The following SYTL3 variants were observed in gnomAD, a reference collection of about 807,000 sequenced individuals.
SYTL3 encodes synaptotagmin like 3.
A neutral mutation model predicts 82.1 loss-of-function variants in SYTL3; 88 were observed. The observed-to-expected ratio is 1.07, with a 90% CI of 0.90 to 1.28. The LOEUF is 1.28. Among genes scored for constraint, SYTL3 ranks in the 50% most tolerant of loss-of-function variants. SYTL3 has a pLI of 0.00. For synonymous variants in SYTL3, 311 were observed against 289.4 expected, an observed-to-expected ratio of 1.07 and a Z score of -0.76; for missense variants, 831 against 757.6, an observed-to-expected ratio of 1.10 and a Z score of -1.14.
At position 158,663,223 on chromosome 6, in the gene SYTL3, A is replaced by G. The variant is rs372516015; in HGVS notation, c.-46A>G. 7.0e-6 allele frequency: 11 copies of G among 1,579,798 alleles called. No homozygotes were observed. The highest frequency in any genetic ancestry group is 6.7e-5 in the African/African-American group (5 of 74,296). On this transcript the variant is annotated 5_prime_UTR_variant, in exon 4 of 18. It removes an upstream start codon present in the reference 5' UTR. Coordinates refer to ENST00000611299, the MANE Select transcript of SYTL3 (RefSeq NM_001242394.2). ...TCTGCAGGGCGTGAGCGCTTGGTCC[A>G]TGCAGTGAAGCTCTTCCAACCTGGG...
At position 158,663,304 on chromosome 6, in the gene SYTL3, G is replaced by A. The variant is rs577302182; in HGVS notation, c.36G>A (p.Glu12=). The A allele has an allele frequency of 2.1e-4, 331 of 1,614,178 alleles. 4 individuals are homozygous for A. The South Asian group carries it at 3.4e-3, about 17-fold the overall frequency. ...AAATAGATCTGAGTGCTCTCAAGGAGTTAGAACGCGAGGCCATTCTCCAGG... is the reference window on the plus strand; with the variant it reads ...AAATAGATCTGAGTGCTCTCAAGGAATTAGAACGCGAGGCCATTCTCCAGG... ...AQEIDLSALK[E]LEREAILQVL... is the part of the protein sequence containing the mutation. The change falls in exon 4 of 18, where the codon GAG becomes GAA. Residue 12 remains glutamate, a synonymous_variant. Coordinates refer to ENST00000611299, the MANE Select transcript of SYTL3 (RefSeq NM_001242394.2).
At chr6:158,709,377 G>A (rs1321325599) in intron 8 of SYTL3, among the ~76,000 whole-genome samples, 1 of 152,196 alleles carries the variant, frequency 6.6e-6, no homozygotes, top group African/African-American at 2.4e-5. Context: ...TAATAAAAAT[G>A]TTATTAATAA....
rs139996805 is a variant in SYTL3 at position 158,663,311 on chromosome 6, C to T, written c.43C>T (p.Arg15Cys). Residue 15 changes from arginine (R) to cysteine (C), a missense_variant, in exon 4 of 18, where the codon CGC becomes TGC. Physicochemically the swap from Arg to Cys is radical, Grantham distance 180. Transcript: ENST00000611299. ...TCTGAGTGCTCTCAAGGAGTTAGAA[C>T]GCGAGGCCATTCTCCAGGTCCTGTA... ...IDLSALKELEREAILQVLYRD... is the reference protein window; with the variant it reads ...IDLSALKELECEAILQVLYRD... 5.9e-5 allele frequency: 95 copies of T among 1,614,078 alleles called. 2 individuals are homozygous for T. In the East Asian group the frequency reaches 1.8e-3, roughly 30 times the overall value.
chr6:158,671,148 A>G (rs1399920163), intron 5 of SYTL3, among the ~76,000 whole-genome samples: 2 of 152,056 alleles, frequency 1.3e-5, no homozygotes, highest in Non-Finnish European at 2.9e-5. Context: ...TGTGTTTACT[A>G]AAGGGAATGT....
At chr6:158,670,915 G>T (rs1052080455) in intron 5 of SYTL3, among the ~76,000 whole-genome samples, 1 of 151,442 alleles carries the variant, frequency 6.6e-6, no homozygotes, top group African/African-American at 2.4e-5. Flanking sequence ...CCATTCTCCT[G>T]CCTCAGCCTC....
intron 14 of SYTL3, among the ~76,000 whole-genome samples, chr6:158,759,912 C>T (rs1302246443): frequency 1.3e-5 from 2 of 151,782 alleles, no homozygotes; most frequent in Non-Finnish European, 1.5e-5. Context: ...TTTTTTTAAG[C>T]TCATCAGCTG....
At chr6:158,760,548 C>A in intron 14 of SYTL3, 92 bp from the exon 15 acceptor site, 1 of 1,073,464 alleles carries the variant, frequency 9.3e-7, no homozygotes, top group Non-Finnish European at 1.4e-6. Context: ...CAGGGGGAAG[C>A]ATCTGTGGAC....
At chr6:158,728,443 G>T (rs1784999141) in intron 11 of SYTL3, among the ~76,000 whole-genome samples, 1 of 146,212 alleles carries the variant, frequency 6.8e-6, no homozygotes, top group African/African-American at 2.5e-5. Context: ...TGGACTCTCT[G>T]TTCTGCTCCA....
At chr6:158,758,636 C>T (rs1296824452) in intron 14 of SYTL3, among the ~76,000 whole-genome samples, 1 of 152,132 alleles carries the variant, frequency 6.6e-6, no homozygotes, top group African/African-American at 2.4e-5. Flanking sequence ...CCTGGTGAGC[C>T]ACCTGCCCCC....
chr6:158,745,519 G>A lies in SYTL3; in HGVS notation c.895G>A (p.Gly299Ser), dbSNP rs780654203. The A allele has an allele frequency of 3.8e-5, 62 of 1,613,088 alleles. No homozygotes were observed. Among genetic ancestry groups the A allele is most frequent in the Non-Finnish European group, 5.1e-5 (60 of 1,179,842 alleles). Residue 299 changes from glycine to serine, a missense_variant, in exon 12 of 18, where the codon GGC becomes AGC. Gly to Ser is a moderately conservative substitution (Grantham distance 56). Coordinates refer to ENST00000611299, the MANE Select transcript of SYTL3 (RefSeq NM_001242394.2). Reference protein sequence around the residue: ...ISIDSTCTEMGNFDNANVTGE... With the variant: ...ISIDSTCTEMSNFDNANVTGE... ...CATTGACAGCACCTGTACAGAGATG[G>A]GCAATTTTGACAATGCTAATGTCAC...
At chr6:158,715,826 C>T (rs1039573915) in intron 9 of SYTL3, among the ~76,000 whole-genome samples, 1 of 152,096 alleles carries the variant, frequency 6.6e-6, no homozygotes, top group Non-Finnish European at 1.5e-5. Flanking sequence ...GTCCTGTAGG[C>T]GCTGACTCCT....
chr6:158,720,870 C>G (rs9456344), intron 10 of SYTL3, among the ~76,000 whole-genome samples: 6,371 of 152,278 alleles, frequency 0.042, 185 homozygotes, highest in Non-Finnish European at 0.067. Flanking sequence ...AGACGCATTT[C>G]CCATTTGCAC....
chr6:158,720,406 CAA>C (rs10640552), intron 10 of SYTL3, among the ~76,000 whole-genome samples: 25 of 88,144 alleles, frequency 2.8e-4, no homozygotes, highest in East Asian at 9.4e-4. Context: ...AACTTTGTCT[CAA>C]AAAAAAAAAA....
chr6:158,648,986 A>C (rs965441581), upstream of SYTL3, among the ~76,000 whole-genome samples: 1 of 152,192 alleles, frequency 6.6e-6, no homozygotes, highest in Admixed American at 6.5e-5. Flanking sequence ...CCCATGAAAC[A>C]GTGGCTGCTC....
rs140305892 is a variant in SYTL3 at position 158,665,446 on chromosome 6, G to A, written c.162G>A (p.Thr54=). The A allele has an allele frequency of 3.2e-4, 515 of 1,608,788 alleles. 1 individual carries two copies. The African/African-American group carries it at 4.9e-3, about 15-fold the overall frequency. The part of the protein sequence containing the change: ...QHLRWKGAKN[T]DWEHKEKCCA... ...TCCGGTGGAAAGGAGCGAAGAACAC[G>A]GACTGGGAGCACAAAGAGAAGTGCT... Residue 54 remains threonine (T), a synonymous_variant, in exon 5 of 18, where the codon ACG becomes ACA. Transcript: ENST00000611299.
intron 15 of SYTL3, among the ~76,000 whole-genome samples, 157 bp downstream of exon 15, chr6:158,760,902 C>T (rs940305610): frequency 2.6e-5 from 4 of 152,194 alleles, no homozygotes; most frequent in African/African-American, 7.2e-5. Flanking sequence ...ATGCAGCGAG[C>T]CCGGGAGAGG....
chr6:158,745,408 G>A (rs1206361915), intron 11 of SYTL3, 72 bp from the exon 12 acceptor site: 2 of 1,335,350 alleles, frequency 1.5e-6, no homozygotes, highest in Non-Finnish European at 1.0e-6. Context: ...TTTATGTGCT[G>A]TCTTGAAACC....
chr6:158,725,843 G>C (rs970851218), intron 11 of SYTL3: 1 of 731,320 alleles, frequency 1.4e-6, no homozygotes, highest in Admixed American at 2.2e-5. Context: ...CTGTGTCTTG[G>C]AGTTACTCCA....
intron 5 of SYTL3, among the ~76,000 whole-genome samples, chr6:158,669,517 A>G (rs901331508): frequency 6.6e-6 from 1 of 152,244 alleles, no homozygotes; most frequent in Non-Finnish European, 1.5e-5. Context: ...ACAATGATAA[A>G]GGTGCAACGG....
Sources: allele counts gnomAD v4.1 joint callset (sites outside exome capture counted in the v4.1 genomes callset), GRCh38; gene constraint gnomAD v4.1.1; transcripts MANE v1.5; gene names NCBI Gene and HGNC (gene_info 2026-07-23, HGNC 2026-07-21).